Variants in CUL2 observed in about 807,000 individuals in gnomAD.
CUL2 encodes the protein cullin 2, also known as cullin-2.
CUL2 carries 22 observed loss-of-function variants against 110.2 expected under a neutral mutation model. The observed-to-expected ratio is 0.20, with a 90% CI of 0.14 to 0.28. The LOEUF (loss-of-function observed/expected upper bound fraction) is 0.28, where lower values mean the gene tolerates loss of function less well. Among genes scored for constraint, CUL2 ranks in the 10% least tolerant of loss-of-function variants. The pLI is 1.00. For missense variants in CUL2, 631 were observed against 905.5 expected (o/e 0.70, Z 3.89); for synonymous variants, 279 against 293.2 (o/e 0.95, Z 0.49).
In CUL2 at chr10:35,031,269, A is replaced by T; in HGVS notation, c.1386+31T>A. ...TTTATGTGCTTGTGAATGAATTTCT[A>T]GGACAATACCACATTAAAGACTTAC... On this transcript the variant is annotated intron_variant, in intron 14 of 20. Transcript: ENST00000374749. The surrounding 1 kb of genome is among the most constrained non-coding windows in gnomAD (Gnocchi z 4.4). The T allele has an allele frequency of 7.3e-7, 1 of 1,362,826 alleles. No individual in the cohort carries two copies. The highest frequency in any genetic ancestry group is 1.0e-6 in the Non-Finnish European group (1 of 979,352). 84.4% of individuals were successfully genotyped at this position (1,362,826 alleles called of 1,614,324 possible). A position where few individuals can be genotyped will look rare whatever the true frequency, so the allele number is the denominator to read the frequency against.
At chr10:35,040,652 G>A in intron 8 of CUL2, among the ~76,000 whole-genome samples, 1 of 152,166 alleles carries the variant, frequency 6.6e-6, no homozygotes, top group East Asian at 1.9e-4. Flanking sequence ...CGGGCAAGAA[G>A]GGGTCTAGAG....
intron 1 of CUL2, among the ~76,000 whole-genome samples, chr10:35,072,372 CTTT>C (rs150456156): frequency 4.9e-5 from 7 of 142,922 alleles, no homozygotes; most frequent in Admixed American, 1.4e-4. Context: ...ACTTAATGGG[CTTT>C]TTTTTTTTTT....
chr10:35,045,576 A>G (rs1588992924), intron 6 of CUL2, among the ~76,000 whole-genome samples: 1 of 149,846 alleles, frequency 6.7e-6, no homozygotes, highest in South Asian at 2.1e-4. Context: ...TTAGCTGTGC[A>G]TGGTGGCACA....
intron 9 of CUL2, among the ~76,000 whole-genome samples, chr10:35,038,484 C>A (rs941028673): frequency 1.6e-5 from 2 of 126,368 alleles, no homozygotes; most frequent in African/African-American, 6.0e-5. Context: ...CAAGAGCACG[C>A]CGCTGCACTC....
chr10:35,057,680 T>G (rs932138571), intron 4 of CUL2, among the ~76,000 whole-genome samples: 54 of 147,992 alleles, frequency 3.6e-4, no homozygotes, highest in Middle Eastern at 3.7e-3. Flanking sequence ...AAAAAGAAAA[T>G]AAAGTCACAA....
At chr10:35,082,839 G>A (rs914730729) in intron 1 of CUL2, among the ~76,000 whole-genome samples, 2 of 152,034 alleles carry the variant, frequency 1.3e-5, no homozygotes, top group South Asian at 2.1e-4. Context: ...TCATTATTTT[G>A]GTAACTATAC....
chr10:35,034,712 A>G (rs1301981768), intron 10 of CUL2, among the ~76,000 whole-genome samples: 1 of 152,186 alleles, frequency 6.6e-6, no homozygotes. Flanking sequence ...TGTTTTGGGT[A>G]TTTGGGGCAG....
intron 1 of CUL2, among the ~76,000 whole-genome samples, chr10:35,103,327 T>TTA (rs1554871801): frequency 2.1e-4 from 25 of 121,438 alleles, no homozygotes; most frequent in African/African-American, 4.0e-4. Flanking sequence ...TTTTTTTTTT[T>TTA]TTTTTATTTT....
intron 17 of CUL2, among the ~76,000 whole-genome samples, chr10:35,017,606 A>C (rs761603156): frequency 2.0e-5 from 3 of 151,890 alleles, no homozygotes; most frequent in Non-Finnish European, 2.9e-5. Flanking sequence ...AGGTATAAGA[A>C]TCCTTGAACC....
At chr10:35,087,737 A>G (rs2087098556) in intron 1 of CUL2, among the ~76,000 whole-genome samples, 1 of 152,128 alleles carries the variant, frequency 6.6e-6, no homozygotes, top group Admixed American at 6.6e-5. Flanking sequence ...ATAAATCTCA[A>G]AACGTTTTCA....
intron 19 of CUL2, among the ~76,000 whole-genome samples, chr10:35,013,270 G>A (rs1052083754): frequency 2.0e-5 from 3 of 149,936 alleles, no homozygotes; most frequent in South Asian, 2.1e-4. Flanking sequence ...GCGTGAACCC[G>A]GGAGGCAGAG....
chr10:35,126,162 T>C (rs558682997), intron 1 of CUL2, among the ~76,000 whole-genome samples: 57 of 151,174 alleles, frequency 3.8e-4, no homozygotes, highest in African/African-American at 1.2e-3. Context: ...TCTCACTGTG[T>C]TCCCTAGGCT....
intron 1 of CUL2, among the ~76,000 whole-genome samples, chr10:35,107,165 G>C (rs904219377): frequency 6.6e-6 from 1 of 150,954 alleles, no homozygotes; most frequent in Non-Finnish European, 1.5e-5. Flanking sequence ...CAGTAGAGAC[G>C]GGGTTTCACT....
intron 17 of CUL2, among the ~76,000 whole-genome samples, chr10:35,021,425 ATATG>A (rs2085179591): frequency 1.3e-5 from 2 of 151,538 alleles, no homozygotes; most frequent in East Asian, 1.9e-4. Context: ...ATTTTTTTAT[ATATG>A]TATGTATATA....
chr10:35,075,899 C>T (rs2135015707), intron 1 of CUL2, among the ~76,000 whole-genome samples: 1 of 152,168 alleles, frequency 6.6e-6, no homozygotes, highest in South Asian at 2.1e-4. Flanking sequence ...TACCATATGA[C>T]CCAGCAATTC....
chr10:35,021,829 G>A (rs1453413298), intron 17 of CUL2, among the ~76,000 whole-genome samples: 2 of 127,460 alleles, frequency 1.6e-5, no homozygotes, highest in Non-Finnish European at 3.4e-5. Flanking sequence ...GGTGAGGTGA[G>A]GCGAGGTGAG....
At chr10:35,018,095 G>A (rs1198116695) in intron 17 of CUL2, among the ~76,000 whole-genome samples, 14 of 145,302 alleles carry the variant, frequency 9.6e-5, no homozygotes, top group Non-Finnish European at 1.5e-4. Context: ...TCGAGACCAC[G>A]GTGAAACCCC....
chr10:35,105,874 AAC>A (rs1291766135), intron 1 of CUL2, among the ~76,000 whole-genome samples: 2 of 152,102 alleles, frequency 1.3e-5, no homozygotes, highest in South Asian at 2.1e-4. Context: ...TTAGGAGAAA[AAC>A]ACACAGCAAA....
chr10:35,074,379 G>A, intron 1 of CUL2: 1 of 655,864 alleles, frequency 1.5e-6, no homozygotes, highest in East Asian at 2.7e-5. Flanking sequence ...GAACACATCA[G>A]CCTGATTCAT....
Sources: allele counts gnomAD v4.1 joint callset (sites outside exome capture counted in the v4.1 genomes callset), GRCh38; gene constraint gnomAD v4.1.1; non-coding constraint Gnocchi (gnomAD v3.1); transcripts MANE v1.5; gene names NCBI Gene and HGNC (gene_info 2026-07-23, HGNC 2026-07-21).